Variants in CSRP3 observed in about 807,000 individuals in gnomAD.
The protein encoded by CSRP3 is cysteine and glycine rich protein 3, also known as cysteine and glycine-rich protein 3.
A neutral mutation model predicts 24.3 loss-of-function variants in CSRP3; 24 were observed. That is an observed-to-expected ratio of 0.99 (90% CI 0.71 to 1.39). The LOEUF (loss-of-function observed/expected upper bound fraction) is 1.39. CSRP3 is among the 40% of genes most tolerant of loss of function. The pLI, the probability that CSRP3 is intolerant of heterozygous loss-of-function variation, is 0.00. For missense variants in CSRP3, 240 were observed against 249.0 expected (o/e 0.96, Z 0.24); for synonymous variants, 105 against 94.0 (o/e 1.12, Z -0.68).
intron 1 of CSRP3, among the ~76,000 whole-genome samples, chr11:19,194,516 C>T (rs1402442439): frequency 6.6e-6 from 1 of 152,006 alleles, no homozygotes; most frequent in East Asian, 1.9e-4. Context: ...GTCTCTACCC[C>T]ACCCCCCAAA....
At position 19,186,202 on chromosome 11, in the gene CSRP3, A is replaced by G; in HGVS notation, c.414+14T>C. ...GATGAGCAAATTCTGTCTGGCTCAT[A>G]CAGAAGGTCTTACCTTGCCACCTCC... On this transcript the variant is annotated intron_variant, in intron 4 of 5. Coordinates refer to ENST00000265968, the MANE Select transcript of CSRP3 (RefSeq NM_003476.5). The G allele has an allele frequency of 6.2e-7, 1 of 1,614,110 alleles. No homozygotes were observed. The highest frequency in any genetic ancestry group is 8.5e-7 in the Non-Finnish European group (1 of 1,180,008).
At chr11:19,195,633 G>T (rs1397425472) in intron 1 of CSRP3, among the ~76,000 whole-genome samples, 1 of 152,116 alleles carries the variant, frequency 6.6e-6, no homozygotes, top group African/African-American at 2.4e-5. Flanking sequence ...TCATTGGCAT[G>T]TCTTGCAAGT....
intron 1 of CSRP3, among the ~76,000 whole-genome samples, chr11:19,199,730 C>G (rs1344577978): frequency 6.6e-6 from 1 of 152,194 alleles, no homozygotes; most frequent in African/African-American, 2.4e-5. Flanking sequence ...AAATCATGAT[C>G]AACCCTTTCC....
intron 3 of CSRP3, among the ~76,000 whole-genome samples, chr11:19,187,564 T>A (rs886086774): frequency 1.3e-5 from 2 of 152,240 alleles, no homozygotes; most frequent in Non-Finnish European, 2.9e-5. Context: ...GCCAGAGTGA[T>A]GTCCCAGCTT....
At chr11:19,201,066 C>G (rs1590111013) in intron 1 of CSRP3, among the ~76,000 whole-genome samples, 1 of 152,298 alleles carries the variant, frequency 6.6e-6, no homozygotes, top group East Asian at 1.9e-4. Flanking sequence ...GATCTTTCAG[C>G]AGCATTTCCA....
At chr11:19,183,449 A>T (rs1164857416) in intron 5 of CSRP3, among the ~76,000 whole-genome samples, 1 of 152,030 alleles carries the variant, frequency 6.6e-6, no homozygotes, top group East Asian at 1.9e-4. Flanking sequence ...TCTTCCTGGA[A>T]TGCCCCCTCC....
chr11:19,182,565 G>A lies in CSRP3; in HGVS notation c.*105C>T, dbSNP rs751301106. ...TCACTTCTGAGGAGAAACACATAAT[G>A]TACGACTACAAAGGAGAGGCTATTT... On this transcript the variant is annotated 3_prime_UTR_variant, in exon 6 of 6. Transcript: ENST00000265968. 8.0e-5 allele frequency: 77 copies of A among 956,534 alleles called. 1 individual carries two copies. The highest frequency in any genetic ancestry group is 1.2e-4 in the Non-Finnish European group (70 of 579,858). 59.3% of individuals were successfully genotyped at this position (956,534 alleles called of 1,614,324 possible).
At chr11:19,192,551 C>A in intron 1 of CSRP3, 75 bp from the exon 2 acceptor site, 1 of 921,722 alleles carries the variant, frequency 1.1e-6, no homozygotes, top group South Asian at 1.4e-5. Context: ...GTGCAGTGGT[C>A]TGAAGACCAG....
intron 1 of CSRP3, among the ~76,000 whole-genome samples, chr11:19,198,133 C>A (rs75682701): frequency 3.1e-3 from 478 of 152,268 alleles, no homozygotes; most frequent in Middle Eastern, 0.01. Context: ...TTAATACTTA[C>A]AACAGCTGCC....
At position 19,192,724 on chromosome 11, in the gene CSRP3, A is replaced by G. The variant is rs368221700; in HGVS notation, c.-28-248T>C. Among the ~76,000 whole-genome samples, 16 of 152,306 alleles carry G rather than the reference A, an allele frequency of 1.1e-4. No individual in the cohort carries two copies. The South Asian group carries it at 1.7e-3, about 16-fold the overall frequency. On this transcript the variant is annotated intron_variant, in intron 1 of 5. Transcript: ENST00000265968. Reference sequence around the variant, plus strand: ...CTCCTGTTAAATTTCAGTAACATCTATTCCTATGTATCTCACAGGGCTCCC... The same window carrying G: ...CTCCTGTTAAATTTCAGTAACATCTGTTCCTATGTATCTCACAGGGCTCCC...
At chr11:19,198,677 A>G (rs1020413378) in intron 1 of CSRP3, among the ~76,000 whole-genome samples, 1 of 152,164 alleles carries the variant, frequency 6.6e-6, no homozygotes, top group Non-Finnish European at 1.5e-5. Context: ...CCTCTCCTTT[A>G]TTCACTCTTA....
chr11:19,201,025 G>A (rs1159705614), intron 1 of CSRP3, among the ~76,000 whole-genome samples: 1 of 152,122 alleles, frequency 6.6e-6, no homozygotes, highest in Non-Finnish European at 1.5e-5. Flanking sequence ...CTTGGCTCAG[G>A]AACAGGGCAG....
At chr11:19,194,031 T>C (rs1168657341) in intron 1 of CSRP3, among the ~76,000 whole-genome samples, 1 of 152,200 alleles carries the variant, frequency 6.6e-6, no homozygotes, top group Non-Finnish European at 1.5e-5. Flanking sequence ...CATGGAGCAC[T>C]ATCCAGCCAT....
At chr11:19,192,542 T>C (rs945118217) in intron 1 of CSRP3, 66 bp from the exon 2 acceptor site, 10 of 983,724 alleles carry the variant, frequency 1.0e-5, no homozygotes, top group South Asian at 1.3e-5. Context: ...TCTCTAAGAG[T>C]GCAGTGGTCT....
chr11:19,193,044 T>C (rs567998761), intron 1 of CSRP3, among the ~76,000 whole-genome samples: 2 of 152,312 alleles, frequency 1.3e-5, no homozygotes, highest in South Asian at 4.2e-4. Flanking sequence ...TAGCTTATCT[T>C]GCTGATAGAA....
At chr11:19,191,390 C>T (rs569360537) in intron 2 of CSRP3, among the ~76,000 whole-genome samples, 1 of 152,238 alleles carries the variant, frequency 6.6e-6, no homozygotes, top group South Asian at 2.1e-4. Context: ...GCTGGCATGG[C>T]TGTGGGGACT....
chr11:19,182,641 G>T lies in CSRP3; in HGVS notation c.*29C>A, dbSNP rs779471970. 2 of 1,596,604 alleles carry T rather than the reference G, an allele frequency of 1.3e-6. No homozygotes were observed. Among genetic ancestry groups the T allele is most frequent in the South Asian group, 2.2e-5 (2 of 90,738 alleles). On this transcript the variant is annotated 3_prime_UTR_variant, in exon 6 of 6. Coordinates refer to ENST00000265968, the MANE Select transcript of CSRP3 (RefSeq NM_003476.5). ...ATTACTTGGCAAGTGTTTTAGGCTCGCAAAAAATCTGAGAAACGGCGCACC... is the reference window on the plus strand; with the variant it reads ...ATTACTTGGCAAGTGTTTTAGGCTCTCAAAAAATCTGAGAAACGGCGCACC...
chr11:19,184,707 G>A (rs1256148697), intron 5 of CSRP3, among the ~76,000 whole-genome samples: 1 of 152,220 alleles, frequency 6.6e-6, no homozygotes, highest in Admixed American at 6.5e-5. Flanking sequence ...CTAACTTCCC[G>A]AACCACTGAG....
intron 5 of CSRP3, 68 bp downstream of exon 5, chr11:19,184,884 C>T (rs757640554): frequency 1.8e-5 from 21 of 1,185,532 alleles, no homozygotes; most frequent in South Asian, 7.3e-5. Flanking sequence ...CAGGCATGAA[C>T]GTAATTTCCT....
Sources: allele counts gnomAD v4.1 joint callset (sites outside exome capture counted in the v4.1 genomes callset), GRCh38; gene constraint gnomAD v4.1.1; transcripts MANE v1.5; gene names NCBI Gene and HGNC (gene_info 2026-07-23, HGNC 2026-07-21).